ARSG: variants seen among roughly 807,000 people sequenced by gnomAD.
ARSG encodes arylsulfatase G.
A neutral mutation model predicts 50.5 loss-of-function variants in ARSG; 37 were observed. The observed-to-expected ratio is 0.73, with a 90% CI of 0.56 to 0.96. The LOEUF is 0.96. Ranked by LOEUF, ARSG falls within the 50% of genes least tolerant of loss-of-function variation. The pLI is 0.00. For missense variants in ARSG, 629 were observed against 675.3 expected (o/e 0.93, Z 0.76); for synonymous variants, 225 against 254.6 (o/e 0.88, Z 1.11).
the ARSG span, among the ~76,000 whole-genome samples, chr17:68,434,208 G>A: frequency 6.6e-6 from 1 of 152,152 alleles, no homozygotes; most frequent in African/African-American, 2.4e-5. Flanking sequence ...CATCCGATAA[G>A]ATCCCAAACA....
chr17:68,391,298 AG>A (rs2080980979), intron 9 of ARSG, among the ~76,000 whole-genome samples: 1 of 152,112 alleles, frequency 6.6e-6, no homozygotes, highest in Non-Finnish European at 1.5e-5. Context: ...TACTTAAGGA[AG>A]GACTATTTGA....
chr17:68,417,361 C>A (rs901670995), intron 11 of ARSG, among the ~76,000 whole-genome samples: 12 of 152,130 alleles, frequency 7.9e-5, no homozygotes, highest in African/African-American at 2.9e-4. Context: ...TTACTTTTCT[C>A]CTACCCCTTT....
At chr17:68,404,760 C>T (rs1368485551) in intron 11 of ARSG, among the ~76,000 whole-genome samples, 1 of 152,046 alleles carries the variant, frequency 6.6e-6, no homozygotes, top group Non-Finnish European at 1.5e-5. Flanking sequence ...AATGATTTGC[C>T]AAATTCATTG....
At chr17:68,296,565 G>C (rs1018997828) in intron 1 of ARSG, among the ~76,000 whole-genome samples, 1 of 152,150 alleles carries the variant, frequency 6.6e-6, no homozygotes. Flanking sequence ...TGCTGTGATC[G>C]GTGGGGGCCT....
chr17:68,320,312 C>T (rs558648574), intron 2 of ARSG, among the ~76,000 whole-genome samples: 17 of 151,882 alleles, frequency 1.1e-4, no homozygotes, highest in Non-Finnish European at 1.0e-4. Flanking sequence ...AAGATAGTGC[C>T]GTGGGGCTAC....
intron 1 of ARSG, chr17:68,267,361 T>G (rs2075189599): frequency 6.6e-6 from 1 of 152,218 alleles, no homozygotes; most frequent in Non-Finnish European, 1.5e-5. Context: ...CACCTTGTTT[T>G]AGATTATGCC....
At chr17:68,323,543 C>G (rs1260036693) in intron 2 of ARSG, among the ~76,000 whole-genome samples, 3 of 152,160 alleles carry the variant, frequency 2.0e-5, no homozygotes, top group Non-Finnish European at 2.9e-5. Flanking sequence ...AGGCACCACT[C>G]CCAGCCAAGT....
At chr17:68,277,694 T>C (rs1555751440) in intron 1 of ARSG, among the ~76,000 whole-genome samples, 1 of 152,070 alleles carries the variant, frequency 6.6e-6, no homozygotes, top group Non-Finnish European at 1.5e-5. Flanking sequence ...CCTCTCAAAG[T>C]GCTTACAGGT....
chr17:68,321,873 A>G (rs1358610159), intron 2 of ARSG, among the ~76,000 whole-genome samples: 2 of 152,176 alleles, frequency 1.3e-5, no homozygotes, highest in African/African-American at 4.8e-5. Flanking sequence ...GCCTGCCCAG[A>G]TAGACTTGGG....
intron 1 of ARSG, among the ~76,000 whole-genome samples, chr17:68,275,071 C>T (rs1003313456): frequency 2.0e-5 from 3 of 152,174 alleles, no homozygotes; most frequent in African/African-American, 4.8e-5. Flanking sequence ...TGAGCCACCG[C>T]GCCCAGCCTA....
Position 68,378,464 on chromosome 17 carries a change from C to T in ARSG, c.983-6600C>T, listed in dbSNP as rs570800183. 9.8e-5 allele frequency among the ~76,000 whole-genome samples: 15 copies of T among 152,300 alleles called. No individual in the cohort carries two copies. The South Asian group carries it at 1.9e-3, about 19-fold the overall frequency. On this transcript the variant is annotated intron_variant, in intron 8 of 11. Transcript: ENST00000621439. This position sits in a 1 kb window ranked among gnomAD's most constrained non-coding sequence, Gnocchi z 4.4. ...CCTGGAGTCATCTTTTCACCCCGTGCGTGTGGACTGAGAATGCTCCACTTG... is the reference window on the plus strand; with the variant it reads ...CCTGGAGTCATCTTTTCACCCCGTGTGTGTGGACTGAGAATGCTCCACTTG...
chr17:68,354,190 G>A (rs1374539728), intron 5 of ARSG, among the ~76,000 whole-genome samples: 1 of 151,766 alleles, frequency 6.6e-6, no homozygotes, highest in Non-Finnish European at 1.5e-5. Context: ...GGAGGCTGAG[G>A]TGGGTGGACC....
chr17:68,287,994 T>C (rs544326634), upstream of ARSG, among the ~76,000 whole-genome samples: 3 of 149,974 alleles, frequency 2.0e-5, no homozygotes, highest in African/African-American at 7.3e-5. Context: ...TCCTTTCTTT[T>C]TTTTTTTTTT....
chr17:68,325,455 A>G (rs1037181318), intron 2 of ARSG, among the ~76,000 whole-genome samples: 14 of 152,170 alleles, frequency 9.2e-5, no homozygotes, highest in African/African-American at 3.4e-4. Flanking sequence ...TGCACAATAA[A>G]TGTAATGCAT....
chr17:68,434,492 C>T, the ARSG span: 4 of 1,572,898 alleles, frequency 2.5e-6, no homozygotes, highest in Non-Finnish European at 3.5e-6. Context: ...CCCTAGACAG[C>T]TGCCAGCGGT....
chr17:68,333,714 G>T (rs979171550), intron 2 of ARSG, among the ~76,000 whole-genome samples: 1 of 151,938 alleles, frequency 6.6e-6, no homozygotes, highest in African/African-American at 2.4e-5. Flanking sequence ...GTTTAGGAGT[G>T]TGAGCCAAGA....
At chr17:68,266,525 T>A (rs1397144880) in intron 1 of ARSG, among the ~76,000 whole-genome samples, 1 of 149,106 alleles carries the variant, frequency 6.7e-6, no homozygotes, top group Admixed American at 6.7e-5. Context: ...ATAAAAAAGT[T>A]TAGGCTGCAC....
chr17:68,426,254 G>GCCCCCGCCCCCCC, downstream of ARSG: 1 of 816,924 alleles, frequency 1.2e-6, no homozygotes, highest in East Asian at 3.5e-5. Context: ...GGGAGCGGGG[G>GCCCCCGCCCCCCC]CTCAAATAAA....
At chr17:68,356,901 G>GGA in intron 6 of ARSG, 97 bp downstream of exon 6, 1 of 1,469,628 alleles carries the variant, frequency 6.8e-7, no homozygotes, top group Non-Finnish European at 9.3e-7. Flanking sequence ...TGAGGCCATG[G>GGA]CAGAGTTTTG....
Sources: allele counts gnomAD v4.1 joint callset (sites outside exome capture counted in the v4.1 genomes callset), GRCh38; gene constraint gnomAD v4.1.1; non-coding constraint Gnocchi (gnomAD v3.1); transcripts MANE v1.5; gene names NCBI Gene and HGNC (gene_info 2026-07-23, HGNC 2026-07-21).